ENTREP2: variants seen among roughly 807,000 people sequenced by gnomAD.
ENTREP2 encodes the protein endosomal transmembrane epsin interactor 2.
the ENTREP2 span, chr15:29,269,176 C>A: frequency 6.2e-7 from 1 of 1,613,998 alleles, no homozygotes; most frequent in East Asian, 2.2e-5. Flanking sequence ...CATCAGGAGG[C>A]CCGTAGTGGG....
At chr15:29,498,210 C>T in the ENTREP2 span, among the ~76,000 whole-genome samples, 1 of 152,140 alleles carries the variant, frequency 6.6e-6, no homozygotes, top group Non-Finnish European at 1.5e-5. Context: ...TTCTTGAGGC[C>T]TCCCCAGCCA....
At chr15:29,173,315 A>G in the ENTREP2 span, among the ~76,000 whole-genome samples, 2 of 152,178 alleles carry the variant, frequency 1.3e-5, no homozygotes, top group Admixed American at 1.3e-4. Context: ...CTTCTACGTG[A>G]CTATGATAGA....
At chr15:29,627,810 G>A in the ENTREP2 span, among the ~76,000 whole-genome samples, 1 of 152,144 alleles carries the variant, frequency 6.6e-6, no homozygotes, top group African/African-American at 2.4e-5. Flanking sequence ...GGTAGCATAT[G>A]TCAAAATTTC....
the ENTREP2 span, among the ~76,000 whole-genome samples, chr15:29,138,386 G>A: frequency 6.6e-6 from 1 of 152,194 alleles, no homozygotes; most frequent in Admixed American, 6.5e-5. Flanking sequence ...TGAGATGCCT[G>A]GGACATTGCT....
chr15:29,327,683 A>C, the ENTREP2 span, among the ~76,000 whole-genome samples: 1 of 152,188 alleles, frequency 6.6e-6, no homozygotes, highest in East Asian at 1.9e-4. Context: ...CATAATGTTC[A>C]ATATCATTTG....
At chr15:29,649,688 C>T in the ENTREP2 span, among the ~76,000 whole-genome samples, 1 of 141,332 alleles carries the variant, frequency 7.1e-6, no homozygotes, top group Admixed American at 7.5e-5. Context: ...CACTGCTCTC[C>T]AGCCTGAGTG....
the ENTREP2 span, among the ~76,000 whole-genome samples, chr15:29,500,751 T>C: frequency 2.0e-5 from 3 of 151,604 alleles, 1 homozygote; most frequent in Admixed American, 1.3e-4. Context: ...AAAAAAGAGA[T>C]TGGAGCCAAA....
chr15:29,371,330 A>G, the ENTREP2 span, among the ~76,000 whole-genome samples: 11 of 139,912 alleles, frequency 7.9e-5, no homozygotes, highest in African/African-American at 3.2e-4. Context: ...CCACCCTCCC[A>G]TACCACCACA....
chr15:29,553,893 A>G, the ENTREP2 span, among the ~76,000 whole-genome samples: 1 of 152,222 alleles, frequency 6.6e-6, no homozygotes, highest in Non-Finnish European at 1.5e-5. Context: ...CTCAAGCAAG[A>G]ATCACCCAGC....
chr15:29,600,615 T>C, the ENTREP2 span, among the ~76,000 whole-genome samples: 1 of 152,172 alleles, frequency 6.6e-6, no homozygotes, highest in East Asian at 1.9e-4. Context: ...CATATCATGA[T>C]GTCTTATTGT....
the ENTREP2 span, among the ~76,000 whole-genome samples, chr15:29,223,198 T>C: frequency 1.3e-5 from 2 of 152,198 alleles, no homozygotes; most frequent in East Asian, 3.8e-4. Context: ...TTTGAGGGTA[T>C]AGTTGGGGAA....
the ENTREP2 span, among the ~76,000 whole-genome samples, chr15:29,182,858 G>A: frequency 6.6e-6 from 1 of 152,008 alleles, no homozygotes; most frequent in East Asian, 1.9e-4. Context: ...AGAGCCCTCA[G>A]AAATAGACAT....
At chr15:29,476,528 C>T in the ENTREP2 span, among the ~76,000 whole-genome samples, 1 of 152,210 alleles carries the variant, frequency 6.6e-6, no homozygotes, top group Non-Finnish European at 1.5e-5. Flanking sequence ...CATCCCTCTT[C>T]GTGGTCCAGC....
chr15:29,328,257 A>G, the ENTREP2 span, among the ~76,000 whole-genome samples: 1 of 152,226 alleles, frequency 6.6e-6, no homozygotes, highest in East Asian at 1.9e-4. Context: ...TGAAAAGATC[A>G]GTAAGAGTTC....
the ENTREP2 span, among the ~76,000 whole-genome samples, chr15:29,443,307 G>C: frequency 6.6e-6 from 1 of 152,126 alleles, no homozygotes; most frequent in African/African-American, 2.4e-5. Context: ...TATGCAGTGG[G>C]AAGACAAGGT....
chr15:29,607,248 A>G, the ENTREP2 span, among the ~76,000 whole-genome samples: 1 of 148,756 alleles, frequency 6.7e-6, no homozygotes, highest in Admixed American at 6.7e-5. Flanking sequence ...TATTATTCAT[A>G]TGTACAATAG....
At chr15:29,408,131 A>T in the ENTREP2 span, among the ~76,000 whole-genome samples, 2 of 152,264 alleles carry the variant, frequency 1.3e-5, no homozygotes, top group South Asian at 2.1e-4. Flanking sequence ...CAACGATCTA[A>T]TATGTGCTGA....
At chr15:29,238,950 T>G in the ENTREP2 span, among the ~76,000 whole-genome samples, 3 of 152,170 alleles carry the variant, frequency 2.0e-5, no homozygotes, top group African/African-American at 7.2e-5. Flanking sequence ...GGGATTACAA[T>G]TGAATATGAG....
chr15:29,171,257 G>A, the ENTREP2 span, among the ~76,000 whole-genome samples: 2 of 152,178 alleles, frequency 1.3e-5, no homozygotes, highest in Non-Finnish European at 2.9e-5. Context: ...AAGACAGTGG[G>A]CTTTTCTATC....
Sources: allele counts gnomAD v4.1 joint callset (sites outside exome capture counted in the v4.1 genomes callset), GRCh38; gene constraint gnomAD v4.1.1; transcripts MANE v1.5; gene names NCBI Gene and HGNC (gene_info 2026-07-23, HGNC 2026-07-21).